FAM83A: variants seen among roughly 807,000 people sequenced by gnomAD.
FAM83A encodes the protein protein FAM83A.
Under a neutral mutation model 24.4 loss-of-function variants are expected in FAM83A, and 21 were observed. The ratio of observed to expected loss-of-function variants is 0.86; its 90% CI spans 0.61 to 1.24. The LOEUF is 1.24. Ranked by LOEUF, FAM83A falls within the 50% of genes most tolerant of loss-of-function variation. FAM83A has a pLI of 0.00. For missense variants in FAM83A, 617 were observed against 579.8 expected (o/e 1.06, Z -0.66); for synonymous variants, 270 against 252.4 (o/e 1.07, Z -0.66).
intron 3 of FAM83A, among the ~76,000 whole-genome samples, chr8:123,203,685 A>C (rs1465658434): frequency 1.3e-5 from 2 of 151,932 alleles, no homozygotes; most frequent in Non-Finnish European, 2.9e-5. Flanking sequence ...GCAGCTATTC[A>C]AGATGCACAC....
exon 4 of FAM83A, chr8:123,207,459 C>T: frequency 6.3e-7 from 1 of 1,591,770 alleles, no homozygotes; most frequent in Non-Finnish European, 8.5e-7. Flanking sequence ...TGTAGCCCCG[C>T]GGCCCCACAC....
chr8:123,208,586 C>T (rs967230900), exon 4 of FAM83A: 15 of 985,568 alleles, frequency 1.5e-5, no homozygotes, highest in Non-Finnish European at 1.8e-5. Flanking sequence ...CTGAACCTCA[C>T]AAGCCCCATC....
At chr8:123,203,724 C>G (rs1805532479) in intron 3 of FAM83A, among the ~76,000 whole-genome samples, 1 of 151,526 alleles carries the variant, frequency 6.6e-6, no homozygotes, top group Non-Finnish European at 1.5e-5. Context: ...CTGAGACTCA[C>G]AAGAGCACAA....
At chr8:123,190,406 C>T (rs1283585280) in intron 1 of FAM83A, among the ~76,000 whole-genome samples, 1 of 151,558 alleles carries the variant, frequency 6.6e-6, no homozygotes, top group Non-Finnish European at 1.5e-5. Flanking sequence ...GGACTATAGG[C>T]GTGCACTACC....
intron 1 of FAM83A, among the ~76,000 whole-genome samples, chr8:123,188,176 G>A (rs982440944): frequency 1.3e-5 from 2 of 151,668 alleles, no homozygotes; most frequent in African/African-American, 4.9e-5. Context: ...CACGCTTCTG[G>A]TAGCTCCAGG....
chr8:123,195,439 A>G (rs908780218), intron 3 of FAM83A, among the ~76,000 whole-genome samples: 4 of 152,216 alleles, frequency 2.6e-5, no homozygotes, highest in African/African-American at 7.2e-5. Flanking sequence ...AAAATGTGCT[A>G]TCTTTCTTTA....
At chr8:123,182,190 G>A, upstream of FAM83A, 1 of 448,114 alleles carries the variant, frequency 2.2e-6, no homozygotes, top group Non-Finnish European at 4.5e-6. Flanking sequence ...GAGAGGGCAT[G>A]GGAGAAAGGA....
chr8:123,194,168 C>G lies in FAM83A; in HGVS notation c.773+20C>G. 6.2e-7 allele frequency: 1 copy of G among 1,613,226 alleles called. No individual in the cohort carries two copies. The highest frequency in any genetic ancestry group is 8.5e-7 in the Non-Finnish European group (1 of 1,179,774). On this transcript the variant is annotated intron_variant, in intron 3 of 3. Coordinates refer to ENST00000690554, the Ensembl canonical transcript of FAM83A. Reference sequence around the variant, plus strand: ...TTACAGGTGAGCCTTGGATTCATCTCCTGTCAAGGATTCATGGAGAACAAG... The same window carrying G: ...TTACAGGTGAGCCTTGGATTCATCTGCTGTCAAGGATTCATGGAGAACAAG...
At chr8:123,198,096 A>T (rs1180343267) in intron 3 of FAM83A, among the ~76,000 whole-genome samples, 11 of 152,006 alleles carry the variant, frequency 7.2e-5, no homozygotes, top group Admixed American at 7.2e-4. Flanking sequence ...GCACCACTGC[A>T]CTCCAGCCTG....
Position 123,198,601 on chromosome 8 carries a change from G to GA in FAM83A, c.773+4457dup, listed in dbSNP as rs575390022. On this transcript the variant is annotated intron_variant, in intron 3 of 3. Transcript: ENST00000690554. ...ATAAACTTCCCTTTAACACCTTCAG[G>GA]AAAACAGAATGTCTGTCTTCAGCTT... Among the ~76,000 whole-genome samples, 595 of 152,276 alleles carry GA rather than the reference G, an allele frequency of 3.9e-3. 4 individuals carry two copies. The highest frequency in any genetic ancestry group is 0.014 in the African/African-American group (569 of 41,544).
chr8:123,194,283 C>G (rs1256764021), intron 3 of FAM83A, 135 bp downstream of exon 3: 2 of 1,267,796 alleles, frequency 1.6e-6, no homozygotes, highest in Non-Finnish European at 2.2e-6. Flanking sequence ...GGAGCTGGAG[C>G]TGCATCACAT....
intron 3 of FAM83A, chr8:123,201,445 G>A (rs1824353854): frequency 6.6e-6 from 1 of 152,238 alleles, no homozygotes; most frequent in South Asian, 2.1e-4. Context: ...AGCTGTGGAG[G>A]AGCCAGCTCC....
chr8:123,188,658 T>G (rs1237441477), intron 1 of FAM83A, among the ~76,000 whole-genome samples: 1 of 152,092 alleles, frequency 6.6e-6, no homozygotes, highest in Admixed American at 6.5e-5. Flanking sequence ...TGATTTTGTA[T>G]TTTTAGTAGA....
chr8:123,185,984 T>A (rs1413498835), intron 1 of FAM83A, among the ~76,000 whole-genome samples: 1 of 151,788 alleles, frequency 6.6e-6, no homozygotes, highest in African/African-American at 2.4e-5. Flanking sequence ...AGAGATGGGG[T>A]TTCACCATGT....
chr8:123,191,937 T>C, exon 2 of FAM83A: 1 of 1,614,176 alleles, frequency 6.2e-7, no homozygotes, highest in Non-Finnish European at 8.5e-7. Flanking sequence ...AGGAGATGTG[T>C]GACAAAGTCC....
chr8:123,209,571 C>T lies in FAM83A; in HGVS notation c.*1883C>T. On this transcript the variant is annotated 3_prime_UTR_variant, in exon 4 of 4. Coordinates refer to ENST00000690554, the Ensembl canonical transcript of FAM83A. This position sits in a 1 kb window ranked among gnomAD's most constrained non-coding sequence, Gnocchi z 4.7. ...GAATGACTGGGCCCGGCTGAACATT[C>T]CAAATTGGATTTCACCATCTGCTGA... 7 of 1,612,136 alleles carry T rather than the reference C, an allele frequency of 4.3e-6. No individual in the cohort carries two copies. The highest frequency in any genetic ancestry group is 5.9e-6 in the Non-Finnish European group (7 of 1,178,466).
intron 2 of FAM83A, 23 bp from the exon 3 acceptor site, chr8:123,194,001 C>A: frequency 6.2e-7 from 1 of 1,613,854 alleles, no homozygotes; most frequent in South Asian, 1.1e-5. Flanking sequence ...TAGGAAGTGA[C>A]ACCTTGACTT....
chr8:123,183,156 A>G, exon 1 of FAM83A: 1 of 1,613,764 alleles, frequency 6.2e-7, no homozygotes, highest in Non-Finnish European at 8.5e-7. Flanking sequence ...CCAGCTCCCT[A>G]CAGTCCGGCA....
exon 4 of FAM83A, chr8:123,207,513 G>A (rs892627305): frequency 4.4e-6 from 7 of 1,574,092 alleles, no homozygotes; most frequent in Non-Finnish European, 6.0e-6. Flanking sequence ...GGCCCTTGGG[G>A]AGCCCCGAGT....
Sources: allele counts gnomAD v4.1 joint callset (sites outside exome capture counted in the v4.1 genomes callset), GRCh38; gene constraint gnomAD v4.1.1; non-coding constraint Gnocchi (gnomAD v3.1); transcripts MANE v1.5; gene names NCBI Gene and HGNC (gene_info 2026-07-23, HGNC 2026-07-21).